Variants in KIAA1549L observed in about 807,000 individuals in gnomAD.
The protein encoded by KIAA1549L is UPF0606 protein KIAA1549L.
In KIAA1549L, 88 loss-of-function variants were observed where a neutral mutation model predicts 160.7. The observed-to-expected ratio is 0.55, with a 90% CI of 0.46 to 0.65. KIAA1549L has a LOEUF of 0.65. KIAA1549L is among the 30% of genes least tolerant of loss of function. The pLI, the probability that KIAA1549L is intolerant of heterozygous loss-of-function variation, is 0.00. For missense variants in KIAA1549L, 2,258 were observed against 2,437.5 expected, an observed-to-expected ratio of 0.93 and a Z score of 1.55; for synonymous variants, 950 against 976.7, an observed-to-expected ratio of 0.97 and a Z score of 0.51.
chr11:33,396,112 T>C (rs1386867177), intron 1 of KIAA1549L, among the ~76,000 whole-genome samples: 1 of 152,124 alleles, frequency 6.6e-6, no homozygotes, highest in Non-Finnish European at 1.5e-5. Context: ...TGGGACCAGA[T>C]AGCCTAAAGA....
chr11:33,645,737 C>T lies in KIAA1549L; in HGVS notation c.5461C>T (p.Arg1821Trp), dbSNP rs369880308. ...CAACATTGACAGAGTTCCTGAGCCC[C>T]GGGGCTATTCCAGGTCTCGACAGGT... ...ETNIDRVPEPRGYSRSRQVKG... is the reference protein window; with the variant it reads ...ETNIDRVPEPWGYSRSRQVKG... Residue 1821 changes from arginine (R) to tryptophan (W), a missense_variant, in exon 17 of 21, where the codon CGG becomes TGG. Around this residue, in one of 6 missense-constraint regions of KIAA1549L, gnomAD observed 1,359 missense variants for 1,546.6 expected, o/e 0.88. Transcript: ENST00000658780. The T allele has an allele frequency of 1.6e-5, 26 of 1,613,970 alleles. No individual in the cohort carries two copies. The African/African-American group carries it at 2.0e-4, about 12-fold the overall frequency.
intron 1 of KIAA1549L, among the ~76,000 whole-genome samples, chr11:33,442,671 C>T (rs1326048974): frequency 6.6e-6 from 1 of 152,170 alleles, no homozygotes; most frequent in Admixed American, 6.5e-5. Flanking sequence ...TTCTGCTTGG[C>T]ATTTATCATG....
At chr11:33,495,489 G>A (rs1248739952) in intron 1 of KIAA1549L, among the ~76,000 whole-genome samples, 4 of 152,126 alleles carry the variant, frequency 2.6e-5, no homozygotes, top group South Asian at 4.2e-4. Context: ...GTATTCCATG[G>A]CGTATATGTG....
chr11:33,586,241 AGGGCACTCCC>A, intron 11 of KIAA1549L, among the ~76,000 whole-genome samples: 1 of 152,380 alleles, frequency 6.6e-6, no homozygotes, highest in Admixed American at 6.5e-5. Context: ...ACAGTGCCAG[AGGGCACTCCC>A]GGGGATCCTT....
rs560895184 is a variant in KIAA1549L, at chr11:33,589,720, T to G, written c.4567-1517T>G. 3.3e-5 allele frequency among the ~76,000 whole-genome samples: 5 copies of G among 151,880 alleles called. No individual in the cohort carries two copies. In the East Asian group the frequency reaches 5.8e-4, roughly 18 times the overall value. On this transcript the variant is annotated intron_variant, in intron 11 of 20. Coordinates refer to ENST00000658780, the MANE Select transcript of KIAA1549L (RefSeq NM_012194.3). ...GGTGGGAATTGAACAATGAGAACAC[T>G]TGGACACAGGAAGGGAGACATCACA...
intron 14 of KIAA1549L, among the ~76,000 whole-genome samples, chr11:33,608,615 A>G (rs1245540438): frequency 1.3e-5 from 2 of 152,240 alleles, no homozygotes; most frequent in Non-Finnish European, 2.9e-5. Flanking sequence ...TCCCAGCTTA[A>G]TGATGTGCAT....
At position 33,583,343 on chromosome 11, in the gene KIAA1549L, G is replaced by T. The variant is rs1455586897; in HGVS notation, c.4408G>T (p.Val1470Leu). The change falls in exon 11 of 21, where the codon GTG becomes TTG. Residue 1470 changes from valine (V) to leucine (L), a missense_variant. Coordinates refer to ENST00000658780, the MANE Select transcript of KIAA1549L (RefSeq NM_012194.3). ...HVVLLQADPV[V>L]KNPPNNLWII... ...CTGCTGGCTCTTTCCCACAGCCGTG[G>T]TGAAGAACCCGCCCAATAACCTGTG... 3 of 1,604,036 alleles carry T rather than the reference G, an allele frequency of 1.9e-6. No homozygotes were observed. The highest frequency in any genetic ancestry group is 2.2e-5 in the East Asian group (1 of 44,490).
intron 16 of KIAA1549L, among the ~76,000 whole-genome samples, chr11:33,621,193 T>C (rs1268656759): frequency 6.6e-6 from 1 of 152,242 alleles, no homozygotes; most frequent in African/African-American, 2.4e-5. Flanking sequence ...AAATACGTGC[T>C]ACACAGGCAA....
chr11:33,396,677 A>C (rs538436799), intron 1 of KIAA1549L, among the ~76,000 whole-genome samples: 1 of 146,204 alleles, frequency 6.8e-6, no homozygotes, highest in African/African-American at 2.5e-5. Flanking sequence ...AAAAGCTTCC[A>C]AAAAAATGGC....
intron 1 of KIAA1549L, among the ~76,000 whole-genome samples, chr11:33,393,305 C>A (rs1850307172): frequency 6.6e-6 from 1 of 152,180 alleles, no homozygotes; most frequent in Non-Finnish European, 1.5e-5. Context: ...AGGCAGCCTT[C>A]CCTGGCATGC....
At chr11:33,647,246 T>C (rs1851747569) in intron 17 of KIAA1549L, among the ~76,000 whole-genome samples, 1 of 152,040 alleles carries the variant, frequency 6.6e-6, no homozygotes, top group South Asian at 2.1e-4. Flanking sequence ...TGTGGCGGCA[T>C]GCGCCTATAG....
At chr11:33,391,515 C>T (rs917546061) in intron 1 of KIAA1549L, among the ~76,000 whole-genome samples, 1 of 152,238 alleles carries the variant, frequency 6.6e-6, no homozygotes, top group African/African-American at 2.4e-5. Flanking sequence ...AGTCATGTGA[C>T]TGCCACTTCC....
At chr11:33,407,081 ATTTTTTTTT>A (rs750670251) in intron 1 of KIAA1549L, among the ~76,000 whole-genome samples, 2 of 100,134 alleles carry the variant, frequency 2.0e-5, no homozygotes, top group African/African-American at 8.0e-5. Flanking sequence ...TTCTTTTTTC[ATTTTTTTTT>A]TTTTTTTTTT....
At chr11:33,477,043 AC>A (rs930639296) in intron 1 of KIAA1549L, among the ~76,000 whole-genome samples, 11 of 152,258 alleles carry the variant, frequency 7.2e-5, no homozygotes, top group African/African-American at 2.4e-4. Context: ...TAGAGGGCTG[AC>A]CCCCAGACTG....
chr11:33,574,765 T>C lies in KIAA1549L; in HGVS notation c.4294T>C (p.Tyr1432His), dbSNP rs539185537. The C allele has an allele frequency of 3.7e-6, 6 of 1,613,994 alleles. No individual in the cohort carries two copies. Among genetic ancestry groups the C allele is most frequent in the African/African-American group, 2.7e-5 (2 of 75,070 alleles). ...AGCGGAGCTGACTTACTATACCCTG[T>C]ACAACGGGAAGCCTTTGTTGGGGAC... ...DPAELTYYTL[Y>H]NGKPLLGTAA... Residue 1432 changes from tyrosine to histidine, a missense_variant, in exon 10 of 21, where the codon TAC (tyrosine) becomes CAC (histidine). Around this residue, in one of 6 missense-constraint regions of KIAA1549L, gnomAD observed 1,359 missense variants for 1,546.6 expected, o/e 0.88. Transcript: ENST00000658780.
chr11:33,570,924 A>C (rs1237009530), intron 9 of KIAA1549L, among the ~76,000 whole-genome samples: 1 of 152,174 alleles, frequency 6.6e-6, no homozygotes, highest in East Asian at 1.9e-4. Context: ...CAAACAGAGC[A>C]ACTGGGTATG....
chr11:33,456,845 C>A (rs1288847355), intron 1 of KIAA1549L, among the ~76,000 whole-genome samples: 3 of 152,234 alleles, frequency 2.0e-5, no homozygotes, highest in African/African-American at 7.2e-5. Context: ...ATCTAACACA[C>A]TTGTCCAATC....
chr11:33,421,763 G>A (rs1851016872), intron 1 of KIAA1549L, among the ~76,000 whole-genome samples: 2 of 152,134 alleles, frequency 1.3e-5, no homozygotes, highest in Admixed American at 1.3e-4. Context: ...AGTTTTAATA[G>A]AATTTTGGCC....
At chr11:33,622,041 G>A (rs1212588084) in intron 16 of KIAA1549L, among the ~76,000 whole-genome samples, 1 of 152,208 alleles carries the variant, frequency 6.6e-6, no homozygotes, top group Non-Finnish European at 1.5e-5. Flanking sequence ...TGTGGGCTCA[G>A]ACCCTAAAAT....
Sources: gnomAD v4.1 joint callset for allele counts (sites outside exome capture counted in the v4.1 genomes callset) on GRCh38, gnomAD v4.1.1 for gene constraint, gnomAD v4.1.1 regional missense constraint, MANE v1.5 for transcripts, NCBI Gene and HGNC (gene_info 2026-07-23, HGNC 2026-07-21) for gene names.